ROPN1: variants seen among roughly 807,000 people sequenced by gnomAD.
The protein encoded by ROPN1 is rhophilin associated tail protein 1, also known as ropporin-1A.
In ROPN1, 14 loss-of-function variants were observed where a neutral mutation model predicts 20.5. The ratio of observed to expected loss-of-function variants is 0.68; its 90% confidence interval spans 0.45 to 1.07. The LOEUF (loss-of-function observed/expected upper bound fraction) is 1.07. ROPN1 is among the 50% of genes least tolerant of loss of function. The pLI is 0.00. For missense variants in ROPN1, 169 were observed against 242.8 expected, an observed-to-expected ratio of 0.70 and a Z score of 2.02; for synonymous variants, 76 against 95.7, an observed-to-expected ratio of 0.79 and a Z score of 1.20.
intron 1 of ROPN1, among the ~76,000 whole-genome samples, chr3:123,985,659 A>C (rs554510206): frequency 1.3e-4 from 19 of 148,110 alleles, no homozygotes; most frequent in Admixed American, 2.6e-4. Context: ...CTCTAAAAAA[A>C]TAATAGAAAA....
intron 1 of ROPN1, among the ~76,000 whole-genome samples, chr3:123,986,448 T>G (rs1050443017): frequency 6.6e-6 from 1 of 152,046 alleles, no homozygotes; most frequent in African/African-American, 2.4e-5. Flanking sequence ...GCTGTTGCAC[T>G]GGAGGTGGTG....
chr3:123,982,789 T>C (rs186147808), intron 1 of ROPN1, among the ~76,000 whole-genome samples: 4 of 152,292 alleles, frequency 2.6e-5, no homozygotes, highest in African/African-American at 9.6e-5. Flanking sequence ...ACATTCACAT[T>C]GTTGTGCCAC....
intron 1 of ROPN1, among the ~76,000 whole-genome samples, chr3:123,989,286 C>A (rs1053258349): frequency 1.3e-5 from 2 of 152,118 alleles, no homozygotes; most frequent in Admixed American, 1.3e-4. Context: ...GGCTTTTGAA[C>A]TTTTTGTTGA....
chr3:123,991,715 G>C (rs2038413933), intron 1 of ROPN1, among the ~76,000 whole-genome samples: 1 of 149,146 alleles, frequency 6.7e-6, no homozygotes, highest in African/African-American at 2.4e-5. Context: ...AGTATTCTGG[G>C]TACAAAATAC....
chr3:123,989,127 G>A (rs2149005054), intron 1 of ROPN1, among the ~76,000 whole-genome samples: 1 of 152,282 alleles, frequency 6.6e-6, no homozygotes, highest in African/African-American at 2.4e-5. Context: ...ATGAGAGTAA[G>A]GAGAGAATTT....
intron 1 of ROPN1, chr3:123,991,157 A>T (rs1439307586): frequency 6.7e-6 from 1 of 149,470 alleles, no homozygotes; most frequent in East Asian, 2.0e-4. Context: ...TCCATTGTAC[A>T]TACCCTTCCA....
At chr3:123,986,018 A>AAT (rs201340337) in intron 1 of ROPN1, among the ~76,000 whole-genome samples, 2,225 of 93,856 alleles carry the variant, frequency 0.024, 479 homozygotes, top group African/African-American at 0.08. Context: ...AAAAAAAAAA[A>AAT]TCAAAATATT....
chr3:123,979,346 T>G, intron 2 of ROPN1: 1 of 350,910 alleles, frequency 2.8e-6, no homozygotes, highest in Non-Finnish European at 5.7e-6. Flanking sequence ...TGAGGACATC[T>G]TCCCTTCCCC....
intron 1 of ROPN1, among the ~76,000 whole-genome samples, chr3:123,985,513 CT>C (rs1315108038): frequency 1.3e-5 from 2 of 152,120 alleles, no homozygotes; most frequent in African/African-American, 2.4e-5. Flanking sequence ...ATTTTGTTCA[CT>C]TTTTTTCCCA....
intron 1 of ROPN1, among the ~76,000 whole-genome samples, chr3:123,986,162 AT>A (rs1475682825): frequency 2.0e-5 from 3 of 151,236 alleles, no homozygotes; most frequent in African/African-American, 7.3e-5. Flanking sequence ...CATGTGATTT[AT>A]TTAAAAATAT....
At chr3:123,982,010 A>C (rs191636403) in intron 1 of ROPN1, among the ~76,000 whole-genome samples, 6 of 152,366 alleles carry the variant, frequency 3.9e-5, no homozygotes, top group Admixed American at 2.0e-4. Flanking sequence ...CATACATATC[A>C]GTAATCACAA....
intron 2 of ROPN1, chr3:123,979,291 A>G (rs1559824068): frequency 2.3e-5 from 8 of 353,722 alleles, no homozygotes; most frequent in East Asian, 7.6e-5. Context: ...AGGTGTCCAC[A>G]CTCTCCCCAC....
chr3:123,978,837 G>T (rs930509826), intron 2 of ROPN1: 3 of 153,308 alleles, frequency 2.0e-5, no homozygotes, highest in Non-Finnish European at 4.4e-5. Context: ...TACAAACTAA[G>T]TTTTCATGGA....
intron 1 of ROPN1, 22 bp downstream of exon 1, chr3:123,991,900 C>T (rs1034006700): frequency 1.4e-5 from 2 of 142,336 alleles, no homozygotes; most frequent in Admixed American, 7.1e-5. Context: ...GCCCTCCCTC[C>T]ACTTCCCCTC....
chr3:123,980,323 C>G (rs765224997), intron 2 of ROPN1, 43 bp downstream of exon 2: 259 of 1,602,770 alleles, frequency 1.6e-4, no homozygotes, highest in Non-Finnish European at 2.1e-4. Flanking sequence ...CCCTCTGTCT[C>G]CGGCCGTCCT....
chr3:123,989,810 C>A (rs2038361255), intron 1 of ROPN1, among the ~76,000 whole-genome samples: 1 of 152,190 alleles, frequency 6.6e-6, no homozygotes, highest in African/African-American at 2.4e-5. Flanking sequence ...GGCACCTCAG[C>A]AATTTCTCTG....
At chr3:123,980,857 T>C (rs991711321) in intron 1 of ROPN1, 5 of 174,696 alleles carry the variant, frequency 2.9e-5, no homozygotes, top group African/African-American at 4.7e-5. Context: ...ACAAAACAGC[T>C]TATTTACTCA....
At chr3:123,980,155 G>C (rs763978423) in intron 2 of ROPN1, 32 of 596,482 alleles carry the variant, frequency 5.4e-5, no homozygotes, top group Non-Finnish European at 7.8e-5. Context: ...GCTCAATCTG[G>C]CTCCCTTAGG....
rs199798866 is a variant in ROPN1, at chr3:123,977,005, T to C, written c.117-24A>G. 3,276 of 1,595,674 alleles carry C rather than the reference T, an allele frequency of 2.1e-3. 4 individuals carry two copies. The highest frequency in any genetic ancestry group is 4.5e-3 in the Admixed American group (262 of 57,938). ...AACTACAAGAAAAAAAGTCAGAGAG[T>C]AGGAGGATCCTATACACCAGTGGCC... On this transcript the variant is annotated intron_variant, in intron 2 of 5. Transcript: ENST00000405845.
Sources: allele counts gnomAD v4.1 joint callset (sites outside exome capture counted in the v4.1 genomes callset), GRCh38; gene constraint gnomAD v4.1.1; transcripts MANE v1.5; gene names NCBI Gene and HGNC (gene_info 2026-07-23, HGNC 2026-07-21).